KCNB2: variants seen among roughly 807,000 people sequenced by gnomAD.
KCNB2 encodes potassium voltage-gated channel subfamily B member 2, also known as delayed rectifier potassium channel protein.
A neutral mutation model predicts 61.5 loss-of-function variants in KCNB2; 15 were observed. The ratio of observed to expected loss-of-function variants is 0.24; its 90% CI spans 0.16 to 0.38. KCNB2 has a LOEUF of 0.38. Ranked by LOEUF, KCNB2 falls within the 10% of genes least tolerant of loss-of-function variation. The pLI is 1.00. For missense variants in KCNB2, 828 were observed against 1,125.2 expected (o/e 0.74, Z 3.78); for synonymous variants, 457 against 446.0 (o/e 1.02, Z -0.31).
intron 2 of KCNB2, among the ~76,000 whole-genome samples, chr8:72,618,544 T>C (rs1297320260): frequency 6.6e-6 from 1 of 152,194 alleles, no homozygotes; most frequent in Non-Finnish European, 1.5e-5. Flanking sequence ...ACATTGTATA[T>C]TTGGACACAG....
chr8:72,814,868 G>A (rs1209238857), intron 2 of KCNB2, among the ~76,000 whole-genome samples: 8 of 152,082 alleles, frequency 5.3e-5, no homozygotes, highest in Non-Finnish European at 2.9e-5. Flanking sequence ...AAAGAATAGT[G>A]TTTTGAATTA....
chr8:72,710,108 C>T (rs897235860), intron 2 of KCNB2, among the ~76,000 whole-genome samples: 2 of 152,118 alleles, frequency 1.3e-5, no homozygotes, highest in African/African-American at 4.8e-5. Context: ...CGTTATCCTG[C>T]GTGCCCATGT....
At chr8:72,916,383 G>C (rs929170427) in intron 2 of KCNB2, among the ~76,000 whole-genome samples, 1 of 152,110 alleles carries the variant, frequency 6.6e-6, no homozygotes, top group Non-Finnish European at 1.5e-5. Flanking sequence ...GCTTGGTCCC[G>C]CTGTGTTCCA....
At chr8:72,690,299 A>G (rs1806919602) in intron 2 of KCNB2, among the ~76,000 whole-genome samples, 1 of 152,304 alleles carries the variant, frequency 6.6e-6, no homozygotes, top group South Asian at 2.1e-4. Flanking sequence ...ATATGATTCC[A>G]TAATTATTGT....
chr8:72,775,448 AG>A (rs1264937276), intron 2 of KCNB2, among the ~76,000 whole-genome samples: 7 of 152,200 alleles, frequency 4.6e-5, no homozygotes, highest in African/African-American at 1.7e-4. Flanking sequence ...TTCAGAATAG[AG>A]AACAGTTTGA....
intron 2 of KCNB2, among the ~76,000 whole-genome samples, chr8:72,636,744 T>C (rs971932496): frequency 2.0e-5 from 3 of 152,168 alleles, no homozygotes; most frequent in Non-Finnish European, 2.9e-5. Flanking sequence ...TCAAATCTTA[T>C]GGTCTCTTAG....
chr8:72,930,873 A>C (rs986511437), intron 2 of KCNB2, among the ~76,000 whole-genome samples: 2 of 152,140 alleles, frequency 1.3e-5, no homozygotes, highest in African/African-American at 4.8e-5. Flanking sequence ...GTCCTTGCCC[A>C]TGCCTATGTC....
At chr8:72,636,397 A>T (rs1292986532) in intron 2 of KCNB2, among the ~76,000 whole-genome samples, 1 of 152,202 alleles carries the variant, frequency 6.6e-6, no homozygotes. Context: ...ATCTATTTGC[A>T]GACAAGTGTC....
intron 2 of KCNB2, among the ~76,000 whole-genome samples, chr8:72,775,280 A>C (rs1302941616): frequency 6.6e-6 from 1 of 152,146 alleles, no homozygotes; most frequent in African/African-American, 2.4e-5. Flanking sequence ...CCCCAAAGAG[A>C]AGGAGAAAGA....
intron 2 of KCNB2, among the ~76,000 whole-genome samples, chr8:72,889,641 C>T (rs1805863963): frequency 1.3e-5 from 2 of 152,018 alleles, no homozygotes; most frequent in East Asian, 1.9e-4. Context: ...GAGCCAAGAT[C>T]GTACTACTGC....
chr8:72,592,186 A>C (rs1246809108), intron 2 of KCNB2, among the ~76,000 whole-genome samples: 2 of 152,198 alleles, frequency 1.3e-5, no homozygotes, highest in African/African-American at 4.8e-5. Flanking sequence ...TCTCTGTTTC[A>C]TGATAAGGAA....
chr8:72,601,703 A>T (rs1319746780), intron 2 of KCNB2, among the ~76,000 whole-genome samples: 1 of 152,178 alleles, frequency 6.6e-6, no homozygotes, highest in East Asian at 1.9e-4. Context: ...CTGGAAATAC[A>T]CCTATTATCC....
Position 72,772,006 on chromosome 8 carries a change from G to A in KCNB2, c.580-163929G>A, listed in dbSNP as rs564731944. ...GGACTCAGGACTTCAGTTGCTGAAG[G>A]AGTCAGGAAGAAAGCTAAGACCACA... On this transcript the variant is annotated intron_variant, in intron 2 of 2. Coordinates refer to ENST00000523207, the MANE Select transcript of KCNB2 (RefSeq NM_004770.3). Among the ~76,000 whole-genome samples the A allele has an allele frequency of 2.8e-3, 420 of 152,206 alleles. 2 individuals are homozygous for A. The highest frequency in any genetic ancestry group is 9.3e-3 in the African/African-American group (385 of 41,544).
intron 2 of KCNB2, among the ~76,000 whole-genome samples, chr8:72,888,158 AGTG>A (rs1805836842): frequency 6.6e-6 from 1 of 152,186 alleles, no homozygotes; most frequent in Non-Finnish European, 1.5e-5. Context: ...GCTGGAGTGC[AGTG>A]GTGCAATCAT....
chr8:72,641,265 A>C (rs926713350), intron 2 of KCNB2, among the ~76,000 whole-genome samples: 1 of 152,120 alleles, frequency 6.6e-6, no homozygotes, highest in Non-Finnish European at 1.5e-5. Flanking sequence ...TTGTAGATGC[A>C]TTCATATTTT....
At chr8:72,884,394 T>C (rs993974569) in intron 2 of KCNB2, among the ~76,000 whole-genome samples, 3 of 152,128 alleles carry the variant, frequency 2.0e-5, no homozygotes, top group Non-Finnish European at 4.4e-5. Flanking sequence ...GTGGGTTGTG[T>C]ATGCGTGTGC....
chr8:72,922,809 G>A (rs1806549987), intron 2 of KCNB2, among the ~76,000 whole-genome samples: 1 of 152,154 alleles, frequency 6.6e-6, no homozygotes, highest in South Asian at 2.1e-4. Flanking sequence ...AAAAGGATCT[G>A]AAACAGGTCT....
At chr8:72,840,032 G>A (rs989495280) in intron 2 of KCNB2, among the ~76,000 whole-genome samples, 1 of 151,844 alleles carries the variant, frequency 6.6e-6, no homozygotes. Context: ...TCTACATTAG[G>A]TATTTCTCCT....
intron 2 of KCNB2, among the ~76,000 whole-genome samples, chr8:72,633,091 A>G (rs548518320): frequency 6.6e-6 from 1 of 152,276 alleles, no homozygotes; most frequent in Non-Finnish European, 1.5e-5. Flanking sequence ...CAGCAGGGCC[A>G]CATTTTTTTC....
Sources: allele counts gnomAD v4.1 joint callset (sites outside exome capture counted in the v4.1 genomes callset), GRCh38; gene constraint gnomAD v4.1.1; transcripts MANE v1.5; gene names NCBI Gene and HGNC (gene_info 2026-07-23, HGNC 2026-07-21).